The following CSMD3 variants were observed in gnomAD, a reference collection of about 807,000 sequenced individuals.
CSMD3 encodes CUB and sushi domain-containing protein 3.
In CSMD3, 177 loss-of-function variants were observed where a neutral mutation model predicts 435.2. The ratio of observed to expected loss-of-function variants is 0.41; its 90% CI spans 0.36 to 0.46. The LOEUF is 0.46. Ranked by LOEUF, CSMD3 falls within the 20% of genes least tolerant of loss-of-function variation. The probability of loss-of-function intolerance (pLI) is 0.34; values close to 1 mark genes in which losing one functional copy is unlikely to be tolerated. For missense variants in CSMD3, 4,265 were observed against 4,504.6 expected, an observed-to-expected ratio of 0.95 and a Z score of 1.52; for synonymous variants, 1,656 against 1,520.5, an observed-to-expected ratio of 1.09 and a Z score of -2.07.
chr8:112,671,572 T>C (rs573185405), intron 16 of CSMD3, among the ~76,000 whole-genome samples: 12 of 152,264 alleles, frequency 7.9e-5, no homozygotes, highest in Admixed American at 5.2e-4. Context: ...CAAATAGTCT[T>C]GCTTGCCTGT....
intron 4 of CSMD3, among the ~76,000 whole-genome samples, chr8:113,112,927 T>C (rs192227416): frequency 1.5e-4 from 23 of 152,332 alleles, no homozygotes; most frequent in Admixed American, 1.3e-4. Context: ...ACTGCATAAC[T>C]AACTTTTGTG....
intron 11 of CSMD3, among the ~76,000 whole-genome samples, chr8:112,842,360 G>A (rs2080201890): frequency 6.6e-6 from 1 of 151,772 alleles, no homozygotes; most frequent in Non-Finnish European, 1.5e-5. Flanking sequence ...TATCAGCAGG[G>A]AGTCTCCACA....
intron 3 of CSMD3, among the ~76,000 whole-genome samples, chr8:113,227,505 T>G (rs2093041052): frequency 6.6e-6 from 1 of 151,674 alleles, no homozygotes; most frequent in Non-Finnish European, 1.5e-5. Flanking sequence ...TTGAGTCTTT[T>G]TCCCCACTCA....
chr8:112,676,165 T>G (rs2075765626), intron 16 of CSMD3, among the ~76,000 whole-genome samples: 1 of 152,008 alleles, frequency 6.6e-6, no homozygotes, highest in Non-Finnish European at 1.5e-5. Flanking sequence ...TAAGTGCAGA[T>G]GTGGAGTAGG....
At chr8:112,510,893 T>C (rs888598978) in intron 28 of CSMD3, among the ~76,000 whole-genome samples, 1 of 152,234 alleles carries the variant, frequency 6.6e-6, no homozygotes, top group African/African-American at 2.4e-5. Flanking sequence ...TTATATTTGA[T>C]TATGTAAATA....
chr8:113,086,426 TCAC>T (rs1443193122), intron 5 of CSMD3, among the ~76,000 whole-genome samples: 4 of 152,288 alleles, frequency 2.6e-5, no homozygotes, highest in African/African-American at 9.6e-5. Context: ...AAGTAGGAAG[TCAC>T]CAATAAATTT....
intron 4 of CSMD3, among the ~76,000 whole-genome samples, chr8:113,160,837 A>T (rs1045146881): frequency 6.6e-6 from 1 of 152,064 alleles, no homozygotes; most frequent in African/African-American, 2.4e-5. Flanking sequence ...GTCTCTGAAT[A>T]TTACCTAGAA....
rs1451304987 is a variant in CSMD3 at position 112,237,351 on chromosome 8, G to A, written c.10469-3C>T. 6 of 1,591,902 alleles carry A rather than the reference G, an allele frequency of 3.8e-6. No homozygotes were observed. The highest frequency in any genetic ancestry group is 5.2e-6 in the Non-Finnish European group (6 of 1,160,160). Reference sequence around the variant, plus strand: ...TTGGGCAAATACATCATCAGGAACTGTGAATAGATTAAATATACCACACAT... The same window carrying A: ...TTGGGCAAATACATCATCAGGAACTATGAATAGATTAAATATACCACACAT... On this transcript the variant is annotated splice_region_variant and splice_polypyrimidine_tract_variant and intron_variant, in intron 66 of 70. Coordinates refer to ENST00000297405, the MANE Select transcript of CSMD3 (RefSeq NM_198123.2).
intron 1 of CSMD3, among the ~76,000 whole-genome samples, chr8:113,358,018 T>C (rs1280732543): frequency 6.6e-6 from 1 of 152,150 alleles, no homozygotes; most frequent in Admixed American, 6.6e-5. Flanking sequence ...TAATACCGAG[T>C]ATGCATATTA....
At chr8:112,418,636 T>C (rs1391870998) in intron 32 of CSMD3, among the ~76,000 whole-genome samples, 1 of 152,218 alleles carries the variant, frequency 6.6e-6, no homozygotes, top group African/African-American at 2.4e-5. Context: ...TATGAAAATT[T>C]ACTTTCAAAA....
At chr8:112,538,548 T>C (rs1009655701) in intron 27 of CSMD3, among the ~76,000 whole-genome samples, 4 of 151,982 alleles carry the variant, frequency 2.6e-5, no homozygotes, top group African/African-American at 9.7e-5. Flanking sequence ...CATTTTTATA[T>C]ACGAATAACA....
In CSMD3 at chr8:112,678,654, A is replaced by C. The variant is rs577763597; in HGVS notation, c.2677+3788T>G. Among the ~76,000 whole-genome samples, 3 of 152,252 alleles carry C rather than the reference A, an allele frequency of 2.0e-5. No individual in the cohort carries two copies. In the East Asian group the frequency reaches 5.8e-4, roughly 29 times the overall value. On this transcript the variant is annotated intron_variant, in intron 16 of 70. Transcript: ENST00000297405. ...TTTATACTGATTTCCATTGTTCTGT[A>C]AGTTCTGATTAAAACAAAATGTTCT...
At chr8:112,773,758 A>C (rs1195723430) in intron 13 of CSMD3, among the ~76,000 whole-genome samples, 2 of 152,018 alleles carry the variant, frequency 1.3e-5, no homozygotes, top group Non-Finnish European at 2.9e-5. Context: ...GATAGTGAGA[A>C]ATTTATATTT....
At chr8:112,780,674 A>G (rs902262569) in intron 13 of CSMD3, among the ~76,000 whole-genome samples, 1 of 151,954 alleles carries the variant, frequency 6.6e-6, no homozygotes, top group East Asian at 1.9e-4. Context: ...GAACACAACA[A>G]TTGCGTGACT....
Position 113,135,133 on chromosome 8 carries a change from A to G in CSMD3, c.710-36170T>C, listed in dbSNP as rs539620228. Among the ~76,000 whole-genome samples, 4 of 152,148 alleles carry G rather than the reference A, an allele frequency of 2.6e-5. No individual in the cohort carries two copies. In the South Asian group the frequency reaches 8.3e-4, roughly 32 times the overall value. ...GTTTAGGTAAGAACATTGAAACCAGAGCAGACTGTTTTGAAAAGCAAGTGT... is the reference window on the plus strand; with the variant it reads ...GTTTAGGTAAGAACATTGAAACCAGGGCAGACTGTTTTGAAAAGCAAGTGT... On this transcript the variant is annotated intron_variant, in intron 4 of 70. Transcript: ENST00000297405.
At position 112,336,768 on chromosome 8, in the gene CSMD3, A is replaced by G. The variant is rs372949789; in HGVS notation, c.6903T>C (p.Asp2301=). ...NGTIYSPGYP[D]EYPNFQDCFW... is the part of the protein sequence containing the mutation. Reference sequence around the variant, plus strand: ...AACAATCTTGAAAGTTTGGATATTCATCAGGATACCCAGGAGAATAAATGG... The same window carrying G: ...AACAATCTTGAAAGTTTGGATATTCGTCAGGATACCCAGGAGAATAAATGG... Residue 2301 remains aspartate (D), a synonymous_variant, in exon 44 of 71, where the codon GAT becomes GAC. Coordinates refer to ENST00000297405, the MANE Select transcript of CSMD3 (RefSeq NM_198123.2). 1 of 1,612,892 alleles carries G rather than the reference A, an allele frequency of 6.2e-7. No individual in the cohort carries two copies. The highest frequency in any genetic ancestry group is 1.1e-5 in the South Asian group (1 of 91,070).
At chr8:113,303,785 G>C (rs954712504) in intron 2 of CSMD3, among the ~76,000 whole-genome samples, 21 of 139,090 alleles carry the variant, frequency 1.5e-4, no homozygotes, top group Non-Finnish European at 1.9e-4. Context: ...AGATTTAAAC[G>C]TTAGACCTAA....
Position 112,680,094 on chromosome 8 carries a change from C to T in CSMD3, c.2677+2348G>A, listed in dbSNP as rs1375131994. On this transcript the variant is annotated intron_variant, in intron 16 of 70. Coordinates refer to ENST00000297405, the MANE Select transcript of CSMD3 (RefSeq NM_198123.2). ...TGGCCGTAGGGCGTGGTGGCTCGTG[C>T]CTGTAATCCCAGCACTTTGGGAGGC... Among the ~76,000 whole-genome samples the T allele has an allele frequency of 2.0e-5, 3 of 152,156 alleles. No homozygotes were observed. The East Asian group carries it at 5.8e-4, about 29-fold the overall frequency.
chr8:112,857,779 T>C (rs1266230464), intron 11 of CSMD3, among the ~76,000 whole-genome samples: 1 of 151,134 alleles, frequency 6.6e-6, no homozygotes, highest in Non-Finnish European at 1.5e-5. Context: ...CTACTGAGAA[T>C]AGTGTACGGC....
Sources: gnomAD v4.1 joint callset for allele counts (sites outside exome capture counted in the v4.1 genomes callset) on GRCh38, gnomAD v4.1.1 for gene constraint, MANE v1.5 for transcripts, NCBI Gene and HGNC (gene_info 2026-07-23, HGNC 2026-07-21) for gene names.